The following EVC2 variants were observed in gnomAD, a reference collection of about 807,000 sequenced individuals.
EVC2 encodes the protein EvC ciliary complex subunit 2, also known as limbin.
Under a neutral mutation model 149.3 loss-of-function variants are expected in EVC2, and 148 were observed. That is an observed-to-expected ratio of 0.99 (90% confidence interval 0.87 to 1.14). The LOEUF (loss-of-function observed/expected upper bound fraction) is 1.14. Ranked by LOEUF, EVC2 falls within the 50% of genes most tolerant of loss-of-function variation. The pLI is 0.00. For missense variants in EVC2, 1,854 were observed against 1,627.3 expected (o/e 1.14, Z -2.40); for synonymous variants, 776 against 649.9 (o/e 1.19, Z -2.95).
chr4:5,644,557 C>A (rs1385440977), intron 9 of EVC2, among the ~76,000 whole-genome samples: 1 of 152,164 alleles, frequency 6.6e-6, no homozygotes, highest in African/African-American at 2.4e-5. Flanking sequence ...CCCGCCTCAG[C>A]CTCTCAAAGT....
chr4:5,573,056 G>A (rs1011028874), intron 19 of EVC2, among the ~76,000 whole-genome samples: 1 of 152,140 alleles, frequency 6.6e-6, no homozygotes, highest in East Asian at 1.9e-4. Context: ...AGGATTAAAT[G>A]AATAACAGGC....
At chr4:5,655,466 A>G (rs1244597926) in intron 9 of EVC2, among the ~76,000 whole-genome samples, 2 of 152,096 alleles carry the variant, frequency 1.3e-5, no homozygotes, top group Non-Finnish European at 1.5e-5. Flanking sequence ...CCCTGTGTCC[A>G]GCCTCCTGCA....
chr4:5,543,208 C>T, exon 22 of EVC2: 1 of 1,289,808 alleles, frequency 7.8e-7, no homozygotes, highest in Non-Finnish European at 1.0e-6. Flanking sequence ...TCTTGGTTCC[C>T]TGACCTGGAA....
intron 18 of EVC2, among the ~76,000 whole-genome samples, chr4:5,575,830 T>C (rs1224312581): frequency 6.6e-6 from 1 of 152,228 alleles, no homozygotes; most frequent in Middle Eastern, 3.2e-3. Flanking sequence ...TAAAATACTA[T>C]GCTTATGGTG....
intron 9 of EVC2, among the ~76,000 whole-genome samples, chr4:5,649,265 T>C (rs1027025016): frequency 6.6e-6 from 1 of 152,216 alleles, no homozygotes; most frequent in Non-Finnish European, 1.5e-5. Flanking sequence ...ATGAACATAT[T>C]TTCTCTGGCC....
intron 16 of EVC2, among the ~76,000 whole-genome samples, chr4:5,612,232 T>C (rs186231496): frequency 6.6e-6 from 1 of 152,350 alleles, no homozygotes; most frequent in African/African-American, 2.4e-5. Flanking sequence ...CCTTAACTTT[T>C]AGCTTTAGCG....
rs1722544559 is a variant in EVC2, at chr4:5,569,868, A to C, written c.3361-1228T>G. On this transcript the variant is annotated intron_variant, in intron 19 of 21. Coordinates refer to ENST00000344408, the MANE Select transcript of EVC2 (RefSeq NM_147127.5). The surrounding 1 kb of genome is among the most constrained non-coding windows in gnomAD (Gnocchi z 4.8). Reference sequence around the variant, plus strand: ...ATACCAAAGCTCCTTCCACGTCCTGACGCTCCCCATCCATGGCCTCCCTCC... The same window carrying C: ...ATACCAAAGCTCCTTCCACGTCCTGCCGCTCCCCATCCATGGCCTCCCTCC... Among the ~76,000 whole-genome samples the C allele has an allele frequency of 6.6e-6, 1 of 151,980 alleles. No individual in the cohort carries two copies. The highest frequency in any genetic ancestry group is 2.4e-5 in the African/African-American group (1 of 41,376).
chr4:5,595,507 C>T (rs1035649243), intron 16 of EVC2, among the ~76,000 whole-genome samples: 159 of 152,238 alleles, frequency 1.0e-3, no homozygotes, highest in African/African-American at 3.7e-3. Flanking sequence ...ACTTTACAGA[C>T]AAGCAAATGC....
At chr4:5,529,972 C>T in the EVC2 span, among the ~76,000 whole-genome samples, 5 of 152,138 alleles carry the variant, frequency 3.3e-5, no homozygotes, top group East Asian at 1.9e-4. The surrounding 1 kb of genome is among the most constrained non-coding windows in gnomAD (Gnocchi z 4.5). Context: ...CCCACCACTA[C>T]GCCTGGCTAA....
intron 9 of EVC2, among the ~76,000 whole-genome samples, chr4:5,647,015 T>C (rs1452023257): frequency 1.3e-5 from 2 of 152,210 alleles, no homozygotes; most frequent in African/African-American, 4.8e-5. Context: ...CAAGAGATAT[T>C]GCCACCTGTG....
chr4:5,548,332 A>G (rs1290756485), intron 21 of EVC2, among the ~76,000 whole-genome samples: 1 of 151,022 alleles, frequency 6.6e-6, no homozygotes, highest in Non-Finnish European at 1.5e-5. Flanking sequence ...AATGAGGAAG[A>G]AATGATGGGA....
intron 2 of EVC2, among the ~76,000 whole-genome samples, chr4:5,697,274 T>A (rs1721537246): frequency 6.6e-6 from 1 of 152,240 alleles, no homozygotes; most frequent in Admixed American, 6.5e-5. Context: ...CCACTGTTTG[T>A]GAACATTTGT....
intron 9 of EVC2, among the ~76,000 whole-genome samples, chr4:5,653,652 A>G (rs147966293): frequency 3.3e-5 from 5 of 152,198 alleles, no homozygotes; most frequent in South Asian, 4.1e-4. Context: ...ATAATAATGT[A>G]TCAATATTGG....
intron 17 of EVC2, among the ~76,000 whole-genome samples, chr4:5,582,801 C>T (rs764199595): frequency 6.6e-6 from 1 of 152,158 alleles, no homozygotes; most frequent in Non-Finnish European, 1.5e-5. Flanking sequence ...AGCACGATCC[C>T]TTCGGTGCTG....
At position 5,622,688 on chromosome 4, in the gene EVC2, T is replaced by C. The variant is rs202191109; in HGVS notation, c.2350A>G (p.Met784Val). The change falls in exon 14 of 22, where the codon ATG becomes GTG. Residue 784 changes from methionine to valine, a missense_variant. Met to Val is a conservative substitution (Grantham distance 21). Transcript: ENST00000344408. The surrounding 1 kb of genome is among the most constrained non-coding windows in gnomAD (Gnocchi z 5.8). ...QQILEEHGKE[M>V]AARAEQLEGE... ...TCCAGCTGCTCGGCCCGTGCAGCCA[T>C]CTCCTTGCCGTGCTCCTCCAGGATC... 100 of 1,613,904 alleles carry C rather than the reference T, an allele frequency of 6.2e-5. No homozygotes were observed. In the Middle Eastern group the frequency reaches 3.5e-3, roughly 56 times the overall value.
chr4:5,702,145 A>T (rs973805471), intron 1 of EVC2, among the ~76,000 whole-genome samples: 15 of 152,036 alleles, frequency 9.9e-5, no homozygotes, highest in African/African-American at 2.9e-4. Flanking sequence ...GGCCAGAAAC[A>T]AGGCCTTGCC....
At chr4:5,587,426 G>T (rs1712389544) in intron 16 of EVC2, among the ~76,000 whole-genome samples, 1 of 152,188 alleles carries the variant, frequency 6.6e-6, no homozygotes, top group Non-Finnish European at 1.5e-5. Context: ...TCTACTTGTT[G>T]TATCAAAACT....
intron 16 of EVC2, among the ~76,000 whole-genome samples, chr4:5,602,889 T>C (rs1452499290): frequency 1.3e-5 from 2 of 152,160 alleles, no homozygotes; most frequent in African/African-American, 4.8e-5. Context: ...TTTAGAGTTA[T>C]GGAGGTAAGC....
intron 16 of EVC2, among the ~76,000 whole-genome samples, chr4:5,597,712 G>C (rs1713572518): frequency 6.9e-6 from 1 of 144,818 alleles, no homozygotes; most frequent in Non-Finnish European, 1.5e-5. Flanking sequence ...TGGAAGTTCT[G>C]GCCAGGGCAA....
Sources: gnomAD v4.1 joint callset for allele counts (sites outside exome capture counted in the v4.1 genomes callset) on GRCh38, gnomAD v4.1.1 for gene constraint, Gnocchi (gnomAD v3.1) non-coding constraint, MANE v1.5 for transcripts, NCBI Gene and HGNC (gene_info 2026-07-23, HGNC 2026-07-21) for gene names.